Variants in SCAI observed in about 807,000 individuals in gnomAD.
The protein encoded by SCAI is suppressor of cancer cell invasion, also known as protein SCAI.
In SCAI, 24 loss-of-function variants were observed where a neutral mutation model predicts 92.2. The observed-to-expected ratio is 0.26, with a 90% CI of 0.19 to 0.37. The LOEUF (loss-of-function observed/expected upper bound fraction) is 0.37. Ranked by LOEUF, SCAI falls within the 10% of genes least tolerant of loss-of-function variation. The pLI is 1.00. For synonymous variants in SCAI, 261 were observed against 258.6 expected (o/e 1.01, Z -0.09); for missense variants, 450 against 736.2 (o/e 0.61, Z 4.50).
At chr9:125,142,483 A>G in intron 2 of SCAI, 150 bp downstream of exon 2, 1 of 610,088 alleles carries the variant, frequency 1.6e-6, no homozygotes, top group Non-Finnish European at 2.9e-6. Flanking sequence ...TGAAGTCCTC[A>G]AAAGAAAAAT....
Position 125,002,006 on chromosome 9 carries a change from G to A in SCAI, c.1103C>T (p.Ser368Leu), listed in dbSNP as rs1832371738. The change falls in exon 12 of 18, where the codon TCG becomes TTG. Residue 368 changes from serine (S) to leucine (L), a missense_variant. Around this residue, in one of 3 missense-constraint regions of SCAI, gnomAD observed 360 missense variants for 601.8 expected, o/e 0.60. Coordinates refer to ENST00000336505, the MANE Select transcript of SCAI (RefSeq NM_001144877.3). The part of the protein sequence containing the change: ...PANSVLLIYL[S>L]ATGVFPTGRS... The stretch of plus-strand genomic sequence containing the variant: ...ACCTGTGGGGAAAACGCCAGTGGCC[G>A]ACAGGTAAATCAGAAGCACGCTATT... 1.2e-6 allele frequency: 2 copies of A among 1,613,724 alleles called. No homozygotes were observed. Among genetic ancestry groups the A allele is most frequent in the Admixed American group, 1.7e-5 (1 of 60,004 alleles).
intron 2 of SCAI, among the ~76,000 whole-genome samples, chr9:125,073,075 T>C (rs1319403906): frequency 1.3e-5 from 2 of 149,918 alleles, no homozygotes; most frequent in African/African-American, 2.4e-5. Context: ...CTGGATCATA[T>C]GAGGATTCTA....
intron 2 of SCAI, among the ~76,000 whole-genome samples, chr9:125,101,830 A>G (rs1319440380): frequency 6.6e-6 from 1 of 152,186 alleles, no homozygotes; most frequent in African/African-American, 2.4e-5. Flanking sequence ...GAGCAGGGAA[A>G]ATGTCAGTCA....
chr9:125,110,382 C>T (rs1443734201), intron 2 of SCAI, among the ~76,000 whole-genome samples: 2 of 152,198 alleles, frequency 1.3e-5, no homozygotes, highest in South Asian at 2.1e-4. Context: ...TGGTGGCACA[C>T]ACCTATAATC....
chr9:125,006,670 T>C (rs1289968698), intron 9 of SCAI, among the ~76,000 whole-genome samples: 1 of 152,084 alleles, frequency 6.6e-6, no homozygotes, highest in Non-Finnish European at 1.5e-5. Context: ...TTTTGTATTT[T>C]TAGTAGAGAT....
In SCAI at chr9:125,073,180, C is replaced by G. The variant is rs374831212; in HGVS notation, c.99-17173G>C. Among the ~76,000 whole-genome samples, 379 of 133,814 alleles carry G rather than the reference C, an allele frequency of 2.8e-3. 3 individuals are homozygous for G. The highest frequency in any genetic ancestry group is 9.7e-3 in the African/African-American group (347 of 35,798). 87.8% of individuals were successfully genotyped at this position (133,814 alleles called of 152,430 possible). Reference sequence around the variant, plus strand: ...AGTGCAGTGGCGCGATCTCGGCTCACTGCAAGCTCCGCCTCCCGGGTTCAC... The same window carrying G: ...AGTGCAGTGGCGCGATCTCGGCTCAGTGCAAGCTCCGCCTCCCGGGTTCAC... On this transcript the variant is annotated intron_variant, in intron 2 of 17. Coordinates refer to ENST00000336505, the MANE Select transcript of SCAI (RefSeq NM_001144877.3).
rs1267013059 is a variant in SCAI, at chr9:124,951,557, G to C, written c.*1250C>G. ...AATTTACCTAGGGCCATGGGAAAGA[G>C]ATATCAAAAGCAATCAGCTCACTTC... On this transcript the variant is annotated 3_prime_UTR_variant, in exon 18 of 18. Transcript: ENST00000336505. 1 of 152,122 alleles carries C rather than the reference G, an allele frequency of 6.6e-6. No homozygotes were observed. Among genetic ancestry groups the C allele is most frequent in the Non-Finnish European group, 1.5e-5 (1 of 68,032 alleles). The allele number at this position is 152,122 out of a possible 1,614,324, so 9.4% of individuals were successfully genotyped here. A position where few individuals can be genotyped will look rare whatever the true frequency, so the allele number is the denominator to read the frequency against.
At position 125,110,840 on chromosome 9, in the gene SCAI, C is replaced by G. The variant is rs904287425; in HGVS notation, c.98+31793G>C. On this transcript the variant is annotated intron_variant, in intron 2 of 17. Transcript: ENST00000336505. ...GGTTCTGCTCCTGCCATTTAAGAGG[C>G]CTGCTCCCGCTTTGCCTCCACCATG... 2.0e-5 allele frequency among the ~76,000 whole-genome samples: 3 copies of G among 152,268 alleles called. No individual in the cohort carries two copies. In the South Asian group the frequency reaches 6.2e-4, roughly 32 times the overall value.
intron 13 of SCAI, among the ~76,000 whole-genome samples, chr9:124,998,783 G>A (rs911468801): frequency 3.3e-5 from 5 of 152,020 alleles, no homozygotes; most frequent in Middle Eastern, 6.8e-3. Context: ...CACCACACCC[G>A]GTTAATTTTT....
chr9:125,113,515 TAAAG>T (rs1243809379), intron 2 of SCAI, among the ~76,000 whole-genome samples: 1 of 151,952 alleles, frequency 6.6e-6, no homozygotes, highest in African/African-American at 2.4e-5. Flanking sequence ...AGGTAAAGAC[TAAAG>T]AAAGTAGAAA....
chr9:125,143,482 C>G lies in SCAI; in HGVS notation c.-45G>C, dbSNP rs770138441. 1.6e-5 allele frequency: 21 copies of G among 1,318,522 alleles called. No individual in the cohort carries two copies. The South Asian group carries it at 3.9e-4, about 24-fold the overall frequency. The allele number at this position is 1,318,522 out of a possible 1,614,324, so 81.7% of individuals were successfully genotyped here. A position where few individuals can be genotyped will look rare whatever the true frequency, so the allele number is the denominator to read the frequency against. On this transcript the variant is annotated 5_prime_UTR_variant, in exon 1 of 18. Coordinates refer to ENST00000336505, the MANE Select transcript of SCAI (RefSeq NM_001144877.3). ...GGGAGCTGCTCCGGCGGCCGCAGGG[C>G]TCGCTCGGGAAGCTGAGGCGGCGGA...
At chr9:124,999,088 AT>A (rs1228048206) in intron 13 of SCAI, among the ~76,000 whole-genome samples, 1 of 152,024 alleles carries the variant, frequency 6.6e-6, no homozygotes, top group African/African-American at 2.4e-5. Context: ...AATTAAAAAA[AT>A]AAAATAAAAT....
chr9:125,132,886 A>T (rs1835433221), intron 2 of SCAI, among the ~76,000 whole-genome samples: 1 of 152,098 alleles, frequency 6.6e-6, no homozygotes, highest in African/African-American at 2.4e-5. Flanking sequence ...AATCACTTGA[A>T]CTTGGGAGGC....
chr9:125,117,644 CG>C (rs1835074215), intron 2 of SCAI, among the ~76,000 whole-genome samples: 1 of 118,194 alleles, frequency 8.5e-6, no homozygotes, highest in East Asian at 2.7e-4. Flanking sequence ...CCAGTCTGGG[CG>C]ACAGAGTGAG....
intron 17 of SCAI, chr9:124,968,717 CT>C: frequency 7.1e-7 from 1 of 1,403,412 alleles, no homozygotes; most frequent in Non-Finnish European, 1.0e-6. Flanking sequence ...AGACACTCTG[CT>C]TTTTGACATT....
chr9:125,063,304 G>T (rs1009098282), intron 2 of SCAI, among the ~76,000 whole-genome samples: 4 of 150,964 alleles, frequency 2.6e-5, no homozygotes, highest in Non-Finnish European at 4.4e-5. Context: ...AGCCACTCAG[G>T]AAGTGAAGGT....
chr9:125,080,503 A>G (rs1243140257), intron 2 of SCAI, among the ~76,000 whole-genome samples: 1 of 152,188 alleles, frequency 6.6e-6, no homozygotes, highest in East Asian at 1.9e-4. Context: ...TGAAAAAAAT[A>G]TTATGAGACC....
chr9:125,072,655 C>G (rs1485423774), intron 2 of SCAI, among the ~76,000 whole-genome samples: 9 of 152,138 alleles, frequency 5.9e-5, no homozygotes, highest in Non-Finnish European at 1.0e-4. Context: ...CCTTGTAAAA[C>G]TGAAATTCTA....
Position 124,989,630 on chromosome 9 carries a change from T to A in SCAI, c.1326+5304A>T, listed in dbSNP as rs2131613169. Among the ~76,000 whole-genome samples the A allele has an allele frequency of 1.3e-5, 2 of 151,804 alleles. 1 individual carries two copies. Among genetic ancestry groups the A allele is most frequent in the South Asian group, 4.2e-4 (2 of 4,810 alleles). ...CAGGCACGATGGCTCATGCCTGTAA[T>A]TCCAGCACTTTGGAAGGCCAAGGTG... On this transcript the variant is annotated intron_variant, in intron 14 of 17. Coordinates refer to ENST00000336505, the MANE Select transcript of SCAI (RefSeq NM_001144877.3).
Sources: gnomAD v4.1 joint callset for allele counts (sites outside exome capture counted in the v4.1 genomes callset) on GRCh38, gnomAD v4.1.1 for gene constraint, gnomAD v4.1.1 regional missense constraint, MANE v1.5 for transcripts, NCBI Gene and HGNC (gene_info 2026-07-23, HGNC 2026-07-21) for gene names.